The following FBXL2 variants were observed in gnomAD, a reference collection of about 807,000 sequenced individuals.
The protein encoded by FBXL2 is F-box and leucine rich repeat protein 2.
A neutral mutation model predicts 69.2 loss-of-function variants in FBXL2; 38 were observed. The ratio of observed to expected loss-of-function variants is 0.55; its 90% CI spans 0.42 to 0.72. The LOEUF (loss-of-function observed/expected upper bound fraction) is 0.72, where lower values mean the gene tolerates loss of function less well. Ranked by LOEUF, FBXL2 falls within the 30% of genes least tolerant of loss-of-function variation. FBXL2 has a pLI of 0.00. For synonymous variants in FBXL2, 192 were observed against 201.3 expected (o/e 0.95, Z 0.39); for missense variants, 354 against 520.3 (o/e 0.68, Z 3.11).
intron 2 of FBXL2, among the ~76,000 whole-genome samples, chr3:33,299,722 A>C (rs947093449): frequency 6.6e-6 from 1 of 152,220 alleles, no homozygotes; most frequent in South Asian, 2.1e-4. Flanking sequence ...GATTAAAAAA[A>C]CTGAGACAGG....
intron 1 of FBXL2, among the ~76,000 whole-genome samples, chr3:33,286,259 C>A (rs1396056296): frequency 6.6e-6 from 1 of 152,200 alleles, no homozygotes; most frequent in Non-Finnish European, 1.5e-5. Context: ...TTCTAACAGT[C>A]AGGACCCTCA....
intron 13 of FBXL2, 176 bp from the exon 14 acceptor site, chr3:33,383,813 A>G (rs2043219846): frequency 3.3e-6 from 2 of 602,578 alleles, no homozygotes; most frequent in South Asian, 2.0e-5. Flanking sequence ...TGTAATGAAC[A>G]GAAACTTCTC....
At chr3:33,351,936 G>A (rs1360107202) in intron 2 of FBXL2, among the ~76,000 whole-genome samples, 1 of 150,294 alleles carries the variant, frequency 6.7e-6, no homozygotes, top group Non-Finnish European at 1.5e-5. Flanking sequence ...GACTGTCCTG[G>A]GCAACATAGT....
chr3:33,359,874 A>G (rs1442063133), intron 4 of FBXL2, among the ~76,000 whole-genome samples: 1 of 152,188 alleles, frequency 6.6e-6, no homozygotes, highest in African/African-American at 2.4e-5. Context: ...TATACAGAAT[A>G]TATAAGATTC....
chr3:33,364,513 TTC>T (rs569428921), intron 4 of FBXL2, 110 bp from the exon 5 acceptor site: 158 of 954,964 alleles, frequency 1.7e-4, no homozygotes, highest in Non-Finnish European at 2.6e-4. Flanking sequence ...CCAAAATATT[TTC>T]TGTTACACTT....
chr3:33,417,481 A>T, the FBXL2 span, among the ~76,000 whole-genome samples: 2 of 152,228 alleles, frequency 1.3e-5, no homozygotes, highest in African/African-American at 2.4e-5. Flanking sequence ...ATTGCCAAAT[A>T]ATATTCATTC....
At chr3:33,411,450 G>A in the FBXL2 span, 1 of 713,700 alleles carries the variant, frequency 1.4e-6, no homozygotes, top group East Asian at 2.7e-5. Context: ...ACCTAACTAT[G>A]TATATAGAAA....
At chr3:33,301,170 T>TAA (rs1291674834) in intron 2 of FBXL2, among the ~76,000 whole-genome samples, 7 of 152,244 alleles carry the variant, frequency 4.6e-5, no homozygotes, top group African/African-American at 7.2e-5. Flanking sequence ...TATGTCTTCA[T>TAA]TGTCTACCCT....
chr3:33,317,031 A>G (rs550454773), intron 2 of FBXL2, among the ~76,000 whole-genome samples: 5 of 152,206 alleles, frequency 3.3e-5, no homozygotes, highest in African/African-American at 1.2e-4. Context: ...ACTCCCAAGT[A>G]GATATGACTA....
intron 10 of FBXL2, among the ~76,000 whole-genome samples, chr3:33,376,283 T>G (rs2154050040): frequency 6.6e-6 from 1 of 152,342 alleles, no homozygotes; most frequent in South Asian, 2.1e-4. Flanking sequence ...CAGCAACCTT[T>G]AACTTTATCC....
At chr3:33,296,720 A>G (rs1198637681) in intron 1 of FBXL2, among the ~76,000 whole-genome samples, 1 of 152,094 alleles carries the variant, frequency 6.6e-6, no homozygotes, top group Non-Finnish European at 1.5e-5. Context: ...ATTTTATTTT[A>G]GATTATCTGT....
intron 12 of FBXL2, chr3:33,397,855 A>C (rs1339569361): frequency 6.6e-6 from 1 of 152,110 alleles, no homozygotes; most frequent in Non-Finnish European, 1.5e-5. Flanking sequence ...TTCTATCTGA[A>C]CACTCCCTTC....
intron 12 of FBXL2, chr3:33,396,023 A>G (rs1040963806): frequency 2.0e-5 from 13 of 657,092 alleles, no homozygotes; most frequent in African/African-American, 3.6e-5. Flanking sequence ...GCCACCTCTC[A>G]TTGCTGTCAA....
intron 2 of FBXL2, among the ~76,000 whole-genome samples, chr3:33,317,800 C>T (rs545818779): frequency 3.0e-4 from 46 of 152,216 alleles, no homozygotes; most frequent in Middle Eastern, 3.4e-3. Context: ...TGTTGAAAAT[C>T]CCTAATCCAA....
intron 1 of FBXL2, among the ~76,000 whole-genome samples, chr3:33,293,255 T>C (rs971471104): frequency 6.6e-6 from 1 of 152,248 alleles, no homozygotes; most frequent in Non-Finnish European, 1.5e-5. Flanking sequence ...TTAGGCACTT[T>C]ACGTTTATGG....
chr3:33,326,227 G>A (rs1200780517), intron 2 of FBXL2, among the ~76,000 whole-genome samples: 2 of 152,162 alleles, frequency 1.3e-5, no homozygotes, highest in Non-Finnish European at 2.9e-5. Flanking sequence ...GAGGCCAGGT[G>A]CAGTGGCTCA....
chr3:33,297,782 C>T, intron 2 of FBXL2, 57 bp downstream of exon 2: 1 of 1,003,644 alleles, frequency 1.0e-6, no homozygotes, highest in Non-Finnish European at 1.6e-6. Context: ...CATCAAGTTC[C>T]AAGACTATCT....
Position 33,385,517 on chromosome 3 carries a change from T to A in FBXL2, c.1181T>A (p.Val394Asp). 6.2e-7 allele frequency: 1 copy of A among 1,614,100 alleles called. No homozygotes were observed. The highest frequency in any genetic ancestry group is 8.5e-7 in the Non-Finnish European group (1 of 1,179,958). Residue 394 changes from valine to aspartate, a missense_variant, in exon 15 of 15, where the codon GTC becomes GAC. By Grantham distance (152) the Val-to-Asp change is radical (BLOSUM62 -3). Coordinates refer to ENST00000484457, the MANE Select transcript of FBXL2 (RefSeq NM_012157.5). ...IKRMRAQLPHVKVHAYFAPVT... is the reference protein window; with the variant it reads ...IKRMRAQLPHDKVHAYFAPVT... The stretch of plus-strand genomic sequence containing the variant: ...TCCTTCCAGGCTCAGCTCCCTCATG[T>A]CAAAGTCCACGCCTACTTTGCTCCC...
At chr3:33,312,116 G>A (rs1024595039) in intron 2 of FBXL2, among the ~76,000 whole-genome samples, 2 of 151,940 alleles carry the variant, frequency 1.3e-5, no homozygotes, top group African/African-American at 4.8e-5. Context: ...GAGTGCAATG[G>A]TGCAATCATA....
Sources: allele counts gnomAD v4.1 joint callset (sites outside exome capture counted in the v4.1 genomes callset), GRCh38; gene constraint gnomAD v4.1.1; transcripts MANE v1.5; gene names NCBI Gene and HGNC (gene_info 2026-07-23, HGNC 2026-07-21).